PCNX2: variants seen among roughly 807,000 people sequenced by gnomAD.
The protein encoded by PCNX2 is pecanex 2, also known as pecanex-like protein 2.
Under a neutral mutation model 223.8 loss-of-function variants are expected in PCNX2, and 168 were observed. The observed-to-expected ratio is 0.75, with a 90% confidence interval of 0.66 to 0.85. The LOEUF (loss-of-function observed/expected upper bound fraction) is 0.85. Among genes scored for constraint, PCNX2 ranks in the 40% least tolerant of loss-of-function variants. PCNX2 has a pLI of 0.00. For synonymous variants in PCNX2, 1,006 were observed against 1,052.6 expected, an observed-to-expected ratio of 0.96 and a Z score of 0.86; for missense variants, 2,507 against 2,675.5, an observed-to-expected ratio of 0.94 and a Z score of 1.39.
At chr1:233,201,360 G>A (rs529536781) in intron 13 of PCNX2, 1 of 152,048 alleles carries the variant, frequency 6.6e-6, no homozygotes, top group Non-Finnish European at 1.5e-5. Flanking sequence ...CTCAACCAAA[G>A]CAGACAAAAA....
intron 23 of PCNX2, among the ~76,000 whole-genome samples, chr1:233,082,917 A>G (rs1673424003): frequency 6.6e-6 from 1 of 152,214 alleles, no homozygotes; most frequent in African/African-American, 2.4e-5. Context: ...GTGAAAGATG[A>G]CATGAATGAA....
chr1:233,116,102 AAAC>A (rs1675391399), intron 21 of PCNX2, among the ~76,000 whole-genome samples: 1 of 152,230 alleles, frequency 6.6e-6, no homozygotes, highest in South Asian at 2.1e-4. Flanking sequence ...TATATATAAC[AAAC>A]AATAGAAATG....
rs74870228 is a variant in PCNX2 at position 233,084,754 on chromosome 1, A to G, written c.4076+5307T>C. Among the ~76,000 whole-genome samples the G allele has an allele frequency of 3.1e-4, 47 of 152,372 alleles. 1 individual carries two copies. In the East Asian group the frequency reaches 8.9e-3, roughly 29 times the overall value. ...ATTTAGTGACTGTTTATATACAAAG[A>G]GCAGGATGATAAATCATAATATCAG... On this transcript the variant is annotated intron_variant, in intron 23 of 33. Coordinates refer to ENST00000258229, the MANE Select transcript of PCNX2 (RefSeq NM_014801.4).
At chr1:233,004,733 C>T (rs933288227) in intron 28 of PCNX2, among the ~76,000 whole-genome samples, 4 of 152,188 alleles carry the variant, frequency 2.6e-5, no homozygotes, top group Non-Finnish European at 5.9e-5. Context: ...GAAATAGTTC[C>T]ACTGATTGCT....
Position 233,258,438 on chromosome 1 carries a change from C to T in PCNX2, c.1424G>A (p.Gly475Glu). Residue 475 changes from glycine (G) to glutamate (E), a missense_variant, in exon 5 of 34, where the codon GGG (glycine) becomes GAG (glutamate). Around this residue, in one of 3 missense-constraint regions of PCNX2, gnomAD observed 1,031 missense variants for 1,021.7 expected, o/e 1.01. Transcript: ENST00000258229. ...NQCSGYGSGE[G>E]GNAIKDHSSS... The stretch of plus-strand genomic sequence containing the variant: ...ACTGTGATCCTTGATGGCATTTCCC[C>T]CCTCCCCAGATCCGTAGCCAGAACA... 1 of 1,613,926 alleles carries T rather than the reference C, an allele frequency of 6.2e-7. No individual in the cohort carries two copies. The highest frequency in any genetic ancestry group is 8.5e-7 in the Non-Finnish European group (1 of 1,179,872).
chr1:233,243,235 G>A (rs895670140), intron 8 of PCNX2, among the ~76,000 whole-genome samples: 10 of 152,142 alleles, frequency 6.6e-5, no homozygotes, highest in South Asian at 2.1e-4. Flanking sequence ...ACTGTCACAC[G>A]GTAACAAGGC....
intron 24 of PCNX2, 141 bp from the exon 25 acceptor site, chr1:233,054,624 A>C: frequency 1.4e-6 from 1 of 699,320 alleles, no homozygotes; most frequent in South Asian, 2.0e-5. Flanking sequence ...TGTTCTTCCC[A>C]CATTTTAGTG....
At chr1:233,178,130 C>G (rs1679590039) in intron 16 of PCNX2, among the ~76,000 whole-genome samples, 1 of 152,244 alleles carries the variant, frequency 6.6e-6, no homozygotes, top group African/African-American at 2.4e-5. Flanking sequence ...TCATTGCCCT[C>G]TATTGTCAGC....
chr1:233,006,703 T>G (rs1670296335), intron 28 of PCNX2, among the ~76,000 whole-genome samples: 1 of 152,150 alleles, frequency 6.6e-6, no homozygotes, highest in South Asian at 2.1e-4. Flanking sequence ...AATGACTGAT[T>G]TGTTTAGTTA....
intron 13 of PCNX2, chr1:233,201,762 G>A (rs1415222589): frequency 1.3e-5 from 2 of 153,936 alleles, no homozygotes; most frequent in Non-Finnish European, 2.9e-5. Flanking sequence ...GCCAGATATT[G>A]GGAGCTATTT....
At chr1:233,064,925 T>A (rs922060938) in intron 23 of PCNX2, among the ~76,000 whole-genome samples, 18 of 152,296 alleles carry the variant, frequency 1.2e-4, no homozygotes, top group African/African-American at 4.3e-4. Context: ...TGTGTAGAAG[T>A]CTTCTACTGA....
intron 23 of PCNX2, among the ~76,000 whole-genome samples, chr1:233,062,882 T>A (rs1007320774): frequency 1.3e-5 from 2 of 152,106 alleles, no homozygotes; most frequent in Non-Finnish European, 2.9e-5. Context: ...TTTGAAAACA[T>A]AAATGAAATA....
At chr1:233,083,457 C>T (rs570273677) in intron 23 of PCNX2, among the ~76,000 whole-genome samples, 91 of 152,208 alleles carry the variant, frequency 6.0e-4, no homozygotes, top group Non-Finnish European at 1.1e-3. Flanking sequence ...CAGGGGCTGC[C>T]GAGCAAGGCA....
chr1:233,186,412 C>G (rs1158291530), intron 15 of PCNX2, among the ~76,000 whole-genome samples: 1 of 152,020 alleles, frequency 6.6e-6, no homozygotes, highest in African/African-American at 2.4e-5. Flanking sequence ...GTCACCCAGT[C>G]CCTGAACTGT....
intron 17 of PCNX2, among the ~76,000 whole-genome samples, chr1:233,161,948 CAAAATTA>C (rs1322025148): frequency 6.8e-6 from 1 of 147,560 alleles, no homozygotes; most frequent in Non-Finnish European, 1.5e-5. Context: ...GAAACCACTT[CAAAATTA>C]TTTTTTATAT....
At chr1:233,006,462 G>A (rs1025262203) in intron 28 of PCNX2, among the ~76,000 whole-genome samples, 25 of 152,106 alleles carry the variant, frequency 1.6e-4, no homozygotes, top group African/African-American at 5.6e-4. Flanking sequence ...CCATTTCCAC[G>A]ATGCCCAGGA....
chr1:233,104,107 G>A (rs1219990022), intron 21 of PCNX2, among the ~76,000 whole-genome samples: 4 of 151,902 alleles, frequency 2.6e-5, no homozygotes, highest in Non-Finnish European at 5.9e-5. Context: ...TTCAATAGAT[G>A]GTAAGAAAGA....
At chr1:233,073,811 A>G (rs1002078649) in intron 23 of PCNX2, among the ~76,000 whole-genome samples, 33 of 147,724 alleles carry the variant, frequency 2.2e-4, no homozygotes, top group Admixed American at 1.7e-3. Context: ...AGACCCATCT[A>G]TCACTATGTT....
At chr1:233,047,178 C>G (rs973686377) in intron 25 of PCNX2, among the ~76,000 whole-genome samples, 1 of 152,200 alleles carries the variant, frequency 6.6e-6, no homozygotes, top group Admixed American at 6.5e-5. Context: ...AGCAGCAGAA[C>G]CACTGGCCAA....
Sources: allele counts gnomAD v4.1 joint callset (sites outside exome capture counted in the v4.1 genomes callset), GRCh38; gene constraint gnomAD v4.1.1; regional missense constraint gnomAD v4.1.1; transcripts MANE v1.5; gene names NCBI Gene and HGNC (gene_info 2026-07-23, HGNC 2026-07-21).